LINGO2: variants seen among roughly 807,000 people sequenced by gnomAD.
The protein encoded by LINGO2 is leucine-rich repeat and immunoglobulin-like domain-containing nogo receptor-interacting protein 2.
Under a neutral mutation model 30.6 loss-of-function variants are expected in LINGO2, and 14 were observed. That is an observed-to-expected ratio of 0.46 (90% CI 0.30 to 0.72). The LOEUF (loss-of-function observed/expected upper bound fraction) is 0.72, where lower values mean the gene tolerates loss of function less well. Ranked by LOEUF, LINGO2 falls within the 30% of genes least tolerant of loss-of-function variation. The pLI, the probability that LINGO2 is intolerant of heterozygous loss-of-function variation, is 0.07. For missense variants in LINGO2, 729 were observed against 751.7 expected, an observed-to-expected ratio of 0.97 and a Z score of 0.35; for synonymous variants, 317 against 288.5, an observed-to-expected ratio of 1.10 and a Z score of -1.00.
chr9:28,342,981 G>T (rs1819412432), intron 3 of LINGO2, among the ~76,000 whole-genome samples: 4 of 152,166 alleles, frequency 2.6e-5, no homozygotes, highest in Admixed American at 2.6e-4. Flanking sequence ...AAAGCCTGCT[G>T]CTGGGTAGAT....
At chr9:28,601,830 C>A (rs1825490188) in intron 1 of LINGO2, among the ~76,000 whole-genome samples, 1 of 151,774 alleles carries the variant, frequency 6.6e-6, no homozygotes, top group Non-Finnish European at 1.5e-5. Flanking sequence ...TGCAGCAGGT[C>A]AGAACTAGCA....
At chr9:29,191,015 G>A in the LINGO2 span, among the ~76,000 whole-genome samples, 47 of 152,248 alleles carry the variant, frequency 3.1e-4, no homozygotes, top group East Asian at 8.5e-3. Context: ...TTTGAACAAT[G>A]TAATAAGAGA....
intron 3 of LINGO2, among the ~76,000 whole-genome samples, chr9:28,318,423 T>G (rs1415566509): frequency 6.6e-6 from 1 of 152,202 alleles, no homozygotes; most frequent in African/African-American, 2.4e-5. Flanking sequence ...ATTTAAAGTG[T>G]GAACTATGTG....
At chr9:27,960,783 G>C (rs893495312) in intron 5 of LINGO2, among the ~76,000 whole-genome samples, 1 of 151,918 alleles carries the variant, frequency 6.6e-6, no homozygotes. Flanking sequence ...TGATATGGTT[G>C]CATTTAGGGA....
chr9:28,640,253 AT>A (rs1827506675), intron 1 of LINGO2, among the ~76,000 whole-genome samples: 1 of 151,544 alleles, frequency 6.6e-6, no homozygotes, highest in African/African-American at 2.4e-5. Context: ...TGCCCGTAAC[AT>A]TTTTTCCTTC....
intron 1 of LINGO2, among the ~76,000 whole-genome samples, chr9:28,504,597 T>C (rs1323890431): frequency 3.3e-5 from 5 of 151,812 alleles, no homozygotes; most frequent in Non-Finnish European, 7.4e-5. Flanking sequence ...TAGATTTTTT[T>C]TCATTACATT....
the LINGO2 span, among the ~76,000 whole-genome samples, chr9:28,949,177 C>G: frequency 1.3e-5 from 2 of 151,902 alleles, no homozygotes; most frequent in Non-Finnish European, 2.9e-5. Flanking sequence ...AACCGACACC[C>G]TAACATCACA....
chr9:28,210,909 G>T (rs1399166168), intron 4 of LINGO2, among the ~76,000 whole-genome samples: 1 of 151,484 alleles, frequency 6.6e-6, no homozygotes, highest in Non-Finnish European at 1.5e-5. Flanking sequence ...CTATCATGAA[G>T]CCTATAATAG....
intron 2 of LINGO2, among the ~76,000 whole-genome samples, chr9:28,459,884 G>A (rs1587704024): frequency 6.6e-6 from 1 of 151,974 alleles, no homozygotes; most frequent in Non-Finnish European, 1.5e-5. Flanking sequence ...TTCTGAGATT[G>A]TATTAGATAA....
At chr9:29,027,753 T>C in the LINGO2 span, among the ~76,000 whole-genome samples, 1 of 152,202 alleles carries the variant, frequency 6.6e-6, no homozygotes. Flanking sequence ...TTATGTCAAA[T>C]AGATTTGAGT....
At chr9:28,435,994 T>G (rs889509043) in intron 2 of LINGO2, among the ~76,000 whole-genome samples, 1 of 152,198 alleles carries the variant, frequency 6.6e-6, no homozygotes, top group African/African-American at 2.4e-5. Flanking sequence ...TTTCTATTTG[T>G]GTCGGCCAGC....
the LINGO2 span, among the ~76,000 whole-genome samples, chr9:29,012,463 TAGA>T: frequency 6.6e-6 from 1 of 152,274 alleles, no homozygotes; most frequent in South Asian, 2.1e-4. Context: ...TCAACATAGA[TAGA>T]AGAACTTCAG....
At chr9:28,014,120 G>A (rs1400985433) in intron 4 of LINGO2, among the ~76,000 whole-genome samples, 1 of 152,074 alleles carries the variant, frequency 6.6e-6, no homozygotes, top group Non-Finnish European at 1.5e-5. Context: ...AGAAATTATG[G>A]CAAGTTAATC....
intron 4 of LINGO2, among the ~76,000 whole-genome samples, chr9:28,238,506 T>C (rs1202944751): frequency 6.6e-6 from 1 of 152,098 alleles, no homozygotes; most frequent in Non-Finnish European, 1.5e-5. Flanking sequence ...TTGGAAACTA[T>C]ATAAACACAT....
exon 6 of LINGO2, chr9:27,950,189 C>T: frequency 6.2e-7 from 1 of 1,613,976 alleles, no homozygotes; most frequent in East Asian, 2.2e-5. Context: ...AATCATTGTC[C>T]CCCACTTCTA....
intron 4 of LINGO2, among the ~76,000 whole-genome samples, chr9:28,279,440 A>G (rs1056907333): frequency 6.6e-6 from 1 of 152,170 alleles, no homozygotes; most frequent in Non-Finnish European, 1.5e-5. Flanking sequence ...AAAAATTGCC[A>G]CAGCCACTTC....
At position 28,130,093 on chromosome 9, in the gene LINGO2, C is replaced by T. The variant is rs986475189; in HGVS notation, c.-86-117688G>A. 2.0e-5 allele frequency among the ~76,000 whole-genome samples: 3 copies of T among 152,196 alleles called. No homozygotes were observed. On this transcript the variant is annotated intron_variant, in intron 4 of 5. Transcript: ENST00000379992. The surrounding 1 kb of genome is among the most constrained non-coding windows in gnomAD (Gnocchi z 5.2). Reference sequence around the variant, plus strand: ...ATAGTTATTGATCTTCAGGTAAACTCTTGGGGATTTTGTCAATTCTGACAT... The same window carrying T: ...ATAGTTATTGATCTTCAGGTAAACTTTTGGGGATTTTGTCAATTCTGACAT...
chr9:29,019,008 C>A, the LINGO2 span, among the ~76,000 whole-genome samples: 1 of 152,110 alleles, frequency 6.6e-6, no homozygotes, highest in Non-Finnish European at 1.5e-5. Flanking sequence ...TGTATTTAGA[C>A]TAGGTGACCT....
chr9:28,631,232 C>T (rs1826922925), intron 1 of LINGO2, among the ~76,000 whole-genome samples: 4 of 151,682 alleles, frequency 2.6e-5, no homozygotes, highest in African/African-American at 9.7e-5. Flanking sequence ...CATATGTATA[C>T]ATGTGCCATG....
Sources: allele counts gnomAD v4.1 joint callset (sites outside exome capture counted in the v4.1 genomes callset), GRCh38; gene constraint gnomAD v4.1.1; non-coding constraint Gnocchi (gnomAD v3.1); transcripts MANE v1.5; gene names NCBI Gene and HGNC (gene_info 2026-07-23, HGNC 2026-07-21).